Variants in ZNF469 observed in about 807,000 individuals in gnomAD.
ZNF469 encodes the protein zinc finger protein 469.
A neutral mutation model predicts 1.0 loss-of-function variants in ZNF469; 1 was observed. The ratio of observed to expected loss-of-function variants is 1.00; its 90% CI spans 0.35 to 4.73. ZNF469 has a LOEUF of 4.73. Among genes scored for constraint, ZNF469 ranks in the 30% most tolerant of loss-of-function variants. The pLI, the probability that ZNF469 is intolerant of heterozygous loss-of-function variation, is 0.16. For missense variants in ZNF469, 6,100 were observed against 5,356.3 expected (o/e 1.14, Z -4.33); for synonymous variants, 2,703 against 2,363.4 (o/e 1.14, Z -4.17).
At chr16:88,416,021 G>A (rs1597199774) in intron 1 of ZNF469, among the ~76,000 whole-genome samples, 1 of 152,290 alleles carries the variant, frequency 6.6e-6, no homozygotes, top group East Asian at 1.9e-4. Context: ...CTCGTCCTTA[G>A]GAGGCAAAAT....
At chr16:88,337,674 G>A in the ZNF469 span, among the ~76,000 whole-genome samples, 1 of 152,198 alleles carries the variant, frequency 6.6e-6, no homozygotes, top group Non-Finnish European at 1.5e-5. Flanking sequence ...TCAGCAGCAA[G>A]CATCACTGCA....
chr16:88,153,947 C>A, the ZNF469 span, among the ~76,000 whole-genome samples: 1 of 152,160 alleles, frequency 6.6e-6, no homozygotes, highest in Non-Finnish European at 1.5e-5. Flanking sequence ...TTATCCTAAG[C>A]CCCCTCCTTA....
the ZNF469 span, among the ~76,000 whole-genome samples, chr16:88,309,344 A>C: frequency 9.2e-5 from 14 of 152,330 alleles, no homozygotes; most frequent in South Asian, 2.7e-3. Flanking sequence ...CACAGTGTTC[A>C]GGACACCTGA....
At chr16:88,264,863 CG>C in the ZNF469 span, among the ~76,000 whole-genome samples, 2 of 152,170 alleles carry the variant, frequency 1.3e-5, no homozygotes, top group Non-Finnish European at 1.5e-5. Flanking sequence ...ATGCTCACTG[CG>C]CTGCTTTCCA....
chr16:88,221,415 C>T, the ZNF469 span, among the ~76,000 whole-genome samples: 2 of 152,198 alleles, frequency 1.3e-5, no homozygotes, highest in Admixed American at 6.5e-5. Context: ...ACTATGGCCT[C>T]GCTCTTCACA....
chr16:88,384,699 G>A (rs1479701908), intron 1 of ZNF469, among the ~76,000 whole-genome samples: 4 of 152,234 alleles, frequency 2.6e-5, no homozygotes, highest in Non-Finnish European at 2.9e-5. Context: ...CAGCTTGGGA[G>A]GCACAGGTGA....
the ZNF469 span, among the ~76,000 whole-genome samples, chr16:88,138,051 C>A: frequency 1.3e-5 from 2 of 152,142 alleles, no homozygotes; most frequent in Admixed American, 6.6e-5. Context: ...CAAGGGAGTG[C>A]CCATCTCACT....
Position 88,435,762 on chromosome 16 carries a change from G to C in ZNF469, c.8292G>C (p.Leu2764Phe). 2 of 1,550,808 alleles carry C rather than the reference G, an allele frequency of 1.3e-6. No individual in the cohort carries two copies. The highest frequency in any genetic ancestry group is 1.7e-6 in the Non-Finnish European group (2 of 1,146,994). The change falls in exon 3 of 3, where the codon TTG (leucine) becomes TTC (phenylalanine). Residue 2764 changes from leucine (L) to phenylalanine (F), a missense_variant. Coordinates refer to ENST00000565624, the MANE Select transcript of ZNF469 (RefSeq NM_001367624.2). Reference sequence around the variant, plus strand: ...GGGGACCAAGAGAGACCAAGGCGTTGGGTGTGTGCAAAGAGTCTGGGAGCG... The same window carrying C: ...GGGGACCAAGAGAGACCAAGGCGTTCGGTGTGTGCAAAGAGTCTGGGAGCG... ...GFWGPRETKALGVCKESGSEP... is the reference protein window; with the variant it reads ...GFWGPRETKAFGVCKESGSEP...
At chr16:88,271,827 T>C in the ZNF469 span, among the ~76,000 whole-genome samples, 2 of 151,160 alleles carry the variant, frequency 1.3e-5, no homozygotes, top group South Asian at 2.1e-4. Context: ...GGATGGATGG[T>C]GGGTGGTTGG....
chr16:88,277,332 G>A, the ZNF469 span, among the ~76,000 whole-genome samples: 1 of 149,156 alleles, frequency 6.7e-6, no homozygotes, highest in Non-Finnish European at 1.5e-5. Flanking sequence ...GGTTAGTGCT[G>A]CACCACGCTG....
intron 1 of ZNF469, among the ~76,000 whole-genome samples, chr16:88,387,460 C>A (rs1470603970): frequency 6.6e-6 from 1 of 152,316 alleles, no homozygotes; most frequent in East Asian, 1.9e-4. Context: ...TGCCCCACCC[C>A]CTTGGCTGCT....
At chr16:88,331,587 CCAT>C in the ZNF469 span, among the ~76,000 whole-genome samples, 6 of 150,920 alleles carry the variant, frequency 4.0e-5, no homozygotes, top group Admixed American at 1.3e-4. Context: ...ACCACCACCA[CCAT>C]CACCACTATC....
chr16:88,190,315 A>C, the ZNF469 span, among the ~76,000 whole-genome samples: 1 of 152,238 alleles, frequency 6.6e-6, no homozygotes, highest in Non-Finnish European at 1.5e-5. Context: ...AACCCTTGGC[A>C]CTTGCCTGGG....
intron 1 of ZNF469, among the ~76,000 whole-genome samples, chr16:88,410,494 G>A (rs370384841): frequency 4.7e-5 from 7 of 149,092 alleles, no homozygotes; most frequent in South Asian, 2.1e-4. Context: ...CTATGATGCC[G>A]TTGATGGTGC....
At chr16:88,197,388 T>G in the ZNF469 span, among the ~76,000 whole-genome samples, 1 of 152,174 alleles carries the variant, frequency 6.6e-6, no homozygotes, top group Non-Finnish European at 1.5e-5. Context: ...TAGTCTAGAT[T>G]CTTAATATTT....
chr16:88,224,425 T>C, the ZNF469 span, among the ~76,000 whole-genome samples: 7 of 152,248 alleles, frequency 4.6e-5, no homozygotes, highest in Admixed American at 4.6e-4. Flanking sequence ...GTCTTGCCTC[T>C]GTAACATGCG....
chr16:88,405,243 GCCTTGGGGTGTGGC>G (rs1466655221), intron 1 of ZNF469, among the ~76,000 whole-genome samples: 19 of 152,132 alleles, frequency 1.2e-4, no homozygotes, highest in Non-Finnish European at 2.6e-4. Context: ...TGAGCCCTGA[GCCTTGGGGTGTGGC>G]CTCATACAGG....
intron 1 of ZNF469, among the ~76,000 whole-genome samples, chr16:88,414,457 C>T (rs566094697): frequency 3.2e-4 from 49 of 152,358 alleles, no homozygotes; most frequent in African/African-American, 1.1e-3. Context: ...TTGTTGGAGG[C>T]CCAGGGATGC....
the ZNF469 span, among the ~76,000 whole-genome samples, chr16:88,229,614 G>GTGT: frequency 7.1e-5 from 1 of 14,172 alleles, no homozygotes; most frequent in Non-Finnish European, 7.2e-4. Flanking sequence ...CGTGTGTGCT[G>GTGT]ATGTCACGCG....
Sources: allele counts gnomAD v4.1 joint callset (sites outside exome capture counted in the v4.1 genomes callset), GRCh38; gene constraint gnomAD v4.1.1; transcripts MANE v1.5; gene names NCBI Gene and HGNC (gene_info 2026-07-23, HGNC 2026-07-21).